ANKRD36B: variants seen among roughly 807,000 people sequenced by gnomAD.
The protein encoded by ANKRD36B is ankyrin repeat domain-containing protein 36B.
Under a neutral mutation model 135.7 loss-of-function variants are expected in ANKRD36B, and 37 were observed. The observed-to-expected ratio is 0.27, with a 90% CI of 0.21 to 0.36. ANKRD36B has a LOEUF of 0.36. Ranked by LOEUF, ANKRD36B falls within the 10% of genes least tolerant of loss-of-function variation. The pLI is 1.00. For synonymous variants in ANKRD36B, 179 were observed against 348.1 expected (o/e 0.51, Z 5.41); for missense variants, 549 against 1,037.1 (o/e 0.53, Z 6.46).
chr2:97,555,502 T>C (rs1425310723), intron 12 of ANKRD36B, among the ~76,000 whole-genome samples: 1 of 151,812 alleles, frequency 6.6e-6, no homozygotes, highest in Non-Finnish European at 1.5e-5. Context: ...AATGAAACAG[T>C]GTTAGTATCA....
intron 18 of ANKRD36B, among the ~76,000 whole-genome samples, chr2:97,550,703 T>A (rs987354171): frequency 1.3e-4 from 20 of 151,746 alleles, no homozygotes; most frequent in Non-Finnish European, 2.4e-4. Context: ...CTTGCTGGAG[T>A]TGCCAAAATC....
At position 97,560,580 on chromosome 2, in the gene ANKRD36B, TG is replaced by T. The variant is rs2080930628; in HGVS notation, c.865+84del. ...ACTGAATCAGAACGTGCAGCTTATA[TG>T]AACTCCCCACTGATTTATTTGGGGA... On this transcript the variant is annotated intron_variant, in intron 8 of 43. Transcript: ENST00000359901. The T allele has an allele frequency of 3.8e-6, 6 of 1,566,764 alleles. No homozygotes were observed. In the South Asian group the frequency reaches 6.8e-5, roughly 18 times the overall value.
intron 18 of ANKRD36B, among the ~76,000 whole-genome samples, chr2:97,550,289 A>G (rs1381136844): frequency 6.7e-6 from 1 of 149,962 alleles, no homozygotes; most frequent in Non-Finnish European, 1.5e-5. Context: ...AAAGGATAAT[A>G]TATTAGCCTC....
In ANKRD36B at chr2:97,525,158, C is replaced by T. The variant is rs142276763; in HGVS notation, c.2266-1691G>A. Among the ~76,000 whole-genome samples the T allele has an allele frequency of 0.014, 1,325 of 97,084 alleles. 394 individuals carry two copies. In the East Asian group the frequency reaches 0.16, roughly 12 times the overall value. The allele number at this position is 97,084 out of a possible 152,430, so 63.7% of individuals were successfully genotyped here. Reference sequence around the variant, plus strand: ...ATTAGCCTAAAATCAGTGAAAAACACAAATCATGAAACTTTAATTTGCCAC... The same window carrying T: ...ATTAGCCTAAAATCAGTGAAAAACATAAATCATGAAACTTTAATTTGCCAC... On this transcript the variant is annotated intron_variant, in intron 35 of 43. Coordinates refer to ENST00000359901, the MANE Select transcript of ANKRD36B (RefSeq NM_001393939.1).
At position 97,528,200 on chromosome 2, in the gene ANKRD36B, T is replaced by C. The variant is rs1460970066; in HGVS notation, c.2265+4111A>G. Among the ~76,000 whole-genome samples the C allele has an allele frequency of 3.1e-5, 3 of 96,196 alleles. 1 individual carries two copies. The highest frequency in any genetic ancestry group is 2.8e-4 in the Admixed American group (3 of 10,870). 63.1% of individuals were successfully genotyped at this position (96,196 alleles called of 152,430 possible). On this transcript the variant is annotated intron_variant, in intron 35 of 43. Coordinates refer to ENST00000359901, the MANE Select transcript of ANKRD36B (RefSeq NM_001393939.1). ...TAAAAGTACAGAAAGTATAACAAACTGTCTGTCAGACCACAGTGCAATCAA... is the reference window on the plus strand; with the variant it reads ...TAAAAGTACAGAAAGTATAACAAACCGTCTGTCAGACCACAGTGCAATCAA...
intron 6 of ANKRD36B, among the ~76,000 whole-genome samples, chr2:97,562,646 T>C (rs966365694): frequency 6.6e-6 from 1 of 152,040 alleles, no homozygotes; most frequent in Non-Finnish European, 1.5e-5. Context: ...ATTTTTTTCG[T>C]TCATAAATCT....
intron 35 of ANKRD36B, among the ~76,000 whole-genome samples, chr2:97,529,614 G>C (rs2078445423): frequency 1.0e-5 from 1 of 95,886 alleles, no homozygotes; most frequent in South Asian, 2.4e-4. Context: ...AAGTCAAAAT[G>C]TCCCTGTTTG....
intron 6 of ANKRD36B, among the ~76,000 whole-genome samples, chr2:97,568,748 G>A (rs1043811267): frequency 6.6e-6 from 1 of 151,996 alleles, no homozygotes; most frequent in African/African-American, 2.4e-5. Flanking sequence ...AAACTCACTG[G>A]AGCTACCAAG....
chr2:97,553,988 T>G (rs1234572061), intron 14 of ANKRD36B, among the ~76,000 whole-genome samples: 1 of 152,006 alleles, frequency 6.6e-6, no homozygotes, highest in Non-Finnish European at 1.5e-5. Flanking sequence ...CTAAGTTTCC[T>G]GTATTCTCTA....
At chr2:97,551,387 T>C in intron 17 of ANKRD36B, 26 bp from the exon 18 acceptor site, 1 of 1,603,410 alleles carries the variant, frequency 6.2e-7, no homozygotes, top group South Asian at 1.1e-5. Flanking sequence ...AACAAAATAA[T>C]AAATAAGGTA....
At position 97,527,701 on chromosome 2, in the gene ANKRD36B, T is replaced by C. The variant is rs1316119140; in HGVS notation, c.2266-4234A>G. Among the ~76,000 whole-genome samples, 6 of 94,704 alleles carry C rather than the reference T, an allele frequency of 6.3e-5. 2 individuals carry two copies. The highest frequency in any genetic ancestry group is 1.7e-4 in the Non-Finnish European group (6 of 35,782). 62.1% of individuals were successfully genotyped at this position (94,704 alleles called of 152,430 possible). A position where few individuals can be genotyped will look rare whatever the true frequency, so the allele number is the denominator to read the frequency against. On this transcript the variant is annotated intron_variant, in intron 35 of 43. Transcript: ENST00000359901. ...CACACATAGGTTCAAAATAAAAGGA[T>C]GGAGGAAGATCTACCAAGCAAATGG...
intron 6 of ANKRD36B, among the ~76,000 whole-genome samples, chr2:97,568,158 T>A (rs1209900399): frequency 6.6e-6 from 1 of 151,990 alleles, no homozygotes; most frequent in Non-Finnish European, 1.5e-5. Flanking sequence ...TATGTATTTT[T>A]AAAAATTATT....
Position 97,524,494 on chromosome 2 carries a change from A to C in ANKRD36B, c.2266-1027T>G, listed in dbSNP as rs2078086843. ...TATTTCTATTTAAATAAAGCTCCGA[A>C]GGTGACTGGCAAGCATATTCTGGAG... On this transcript the variant is annotated intron_variant, in intron 35 of 43. Transcript: ENST00000359901. 2 of 96,106 alleles carry C rather than the reference A, an allele frequency of 2.1e-5. 1 individual carries two copies. The highest frequency in any genetic ancestry group is 1.9e-4 in the Admixed American group (2 of 10,804). The allele number at this position is 96,106 out of a possible 1,614,324, so 6.0% of individuals were successfully genotyped here. A position where few individuals can be genotyped will look rare whatever the true frequency, so the allele number is the denominator to read the frequency against.
At chr2:97,579,644 ATAG>A (rs1553547373) in intron 4 of ANKRD36B, among the ~76,000 whole-genome samples, 1 of 46,876 alleles carries the variant, frequency 2.1e-5, no homozygotes, top group Non-Finnish European at 6.8e-5. Flanking sequence ...TATATAATAT[ATAG>A]TATATTATAT....
chr2:97,566,747 A>G (rs1390435247), intron 6 of ANKRD36B, among the ~76,000 whole-genome samples: 1 of 152,102 alleles, frequency 6.6e-6, no homozygotes, highest in Non-Finnish European at 1.5e-5. Context: ...AGTCCCCCTT[A>G]TCTGCTGTAT....
intron 1 of ANKRD36B, among the ~76,000 whole-genome samples, chr2:97,586,855 T>C (rs1316513447): frequency 6.6e-6 from 1 of 152,116 alleles, no homozygotes; most frequent in Non-Finnish European, 1.5e-5. Context: ...GGCTAAAAGT[T>C]CACAGAAGAT....
At chr2:97,587,302 A>G (rs1284888514) in intron 1 of ANKRD36B, among the ~76,000 whole-genome samples, 2 of 152,256 alleles carry the variant, frequency 1.3e-5, no homozygotes, top group East Asian at 3.8e-4. Context: ...TAGAAGTTTT[A>G]AACATGCTGA....
chr2:97,555,036 A>G, intron 14 of ANKRD36B, 24 bp downstream of exon 14: 1 of 1,610,076 alleles, frequency 6.2e-7, no homozygotes, highest in Non-Finnish European at 8.5e-7. Flanking sequence ...TGAACATGAC[A>G]TTAAATGTGT....
At chr2:97,568,954 A>G (rs1265054358) in intron 6 of ANKRD36B, among the ~76,000 whole-genome samples, 2 of 152,178 alleles carry the variant, frequency 1.3e-5, no homozygotes, top group African/African-American at 4.8e-5. Flanking sequence ...GGTGAATAAG[A>G]AACATATTTG....
Sources: gnomAD v4.1 joint callset for allele counts (sites outside exome capture counted in the v4.1 genomes callset) on GRCh38, gnomAD v4.1.1 for gene constraint, MANE v1.5 for transcripts, NCBI Gene and HGNC (gene_info 2026-07-23, HGNC 2026-07-21) for gene names.